Variants in SPG11 observed in about 807,000 individuals in gnomAD.
The protein encoded by SPG11 is spatacsin.
In SPG11, 222 loss-of-function variants were observed where a neutral mutation model predicts 274.0. The ratio of observed to expected loss-of-function variants is 0.81; its 90% CI spans 0.73 to 0.91. SPG11 has a LOEUF of 0.91. Ranked by LOEUF, SPG11 falls within the 40% of genes least tolerant of loss-of-function variation. The probability of loss-of-function intolerance (pLI) is 0.00; values close to 1 mark genes in which losing one functional copy is unlikely to be tolerated. For missense variants in SPG11, 3,114 were observed against 2,872.7 expected, an observed-to-expected ratio of 1.08 and a Z score of -1.92; for synonymous variants, 1,144 against 1,039.7, an observed-to-expected ratio of 1.10 and a Z score of -1.93.
intron 33 of SPG11, among the ~76,000 whole-genome samples, chr15:44,571,503 T>C (rs1014383639): frequency 3.4e-5 from 5 of 148,392 alleles, no homozygotes; most frequent in African/African-American, 7.4e-5. Context: ...TTTCTTTTTT[T>C]TTTTTTTTTT....
At chr15:44,659,427 C>T (rs186135386) in intron 2 of SPG11, 124 bp from the exon 3 acceptor site, 112 of 844,152 alleles carry the variant, frequency 1.3e-4, no homozygotes, top group Middle Eastern at 6.9e-4. Flanking sequence ...TCTAACTTTA[C>T]GCAGTTATCG....
rs1175474550 is a variant in SPG11 at position 44,572,600 on chromosome 15, C to A, written c.6343+83G>T. On this transcript the variant is annotated intron_variant, in intron 33 of 39. Transcript: ENST00000261866. The stretch of plus-strand genomic sequence containing the variant: ...AGGCATCCAGAGCAGGAACAGGGAC[C>A]CAAATCAAGTTTTGGAGAGACTGGG... 6 of 1,469,638 alleles carry A rather than the reference C, an allele frequency of 4.1e-6. No individual in the cohort carries two copies. The East Asian group carries it at 9.1e-5, about 22-fold the overall frequency. 91.0% of individuals were successfully genotyped at this position (1,469,638 alleles called of 1,614,324 possible).
chr15:44,589,807 T>C (rs1555449777), intron 27 of SPG11, among the ~76,000 whole-genome samples: 1 of 152,224 alleles, frequency 6.6e-6, no homozygotes, highest in Non-Finnish European at 1.5e-5. Flanking sequence ...AGCTTCTTTA[T>C]TTTTATTTTA....
intron 8 of SPG11, among the ~76,000 whole-genome samples, chr15:44,632,021 C>G (rs548617272): frequency 8.6e-5 from 13 of 152,038 alleles, no homozygotes; most frequent in African/African-American, 3.1e-4. Context: ...GTTACCCAGG[C>G]TAGTCTCAAA....
At chr15:44,569,285 T>C in intron 35 of SPG11, 113 bp downstream of exon 35, 1 of 811,754 alleles carries the variant, frequency 1.2e-6, no homozygotes, top group Non-Finnish European at 2.1e-6. Context: ...CCCTAATTCC[T>C]TCCCTCCATT....
At chr15:44,631,843 C>G (rs1039291480) in intron 8 of SPG11, among the ~76,000 whole-genome samples, 1 of 137,994 alleles carries the variant, frequency 7.2e-6, no homozygotes, top group African/African-American at 2.7e-5. Context: ...GAGTCTCACT[C>G]TGTTGCCCAG....
rs2084784763 is a variant in SPG11, at chr15:44,651,758, T to A, written c.1189A>T (p.Asn397Tyr). 2 of 1,614,246 alleles carry A rather than the reference T, an allele frequency of 1.2e-6. No individual in the cohort carries two copies. Among genetic ancestry groups the A allele is most frequent in the African/African-American group, 2.7e-5 (2 of 75,066 alleles). The change falls in exon 6 of 40, where the codon AAT becomes TAT. Residue 397 changes from asparagine to tyrosine, a missense_variant. Asn to Tyr is a moderately radical substitution (Grantham distance 143). Coordinates refer to ENST00000261866, the MANE Select transcript of SPG11 (RefSeq NM_025137.4). ...IPQDIMHGQYNVLQKDHAKTS... is the reference protein window; with the variant it reads ...IPQDIMHGQYYVLQKDHAKTS... ...TTGGCATGATCTTTCTGTAGAACAT[T>A]ATATTGCCCATGCATTATGTCCTGT...
Position 44,606,092 on chromosome 15 carries a change from C to A in SPG11, c.3454-1G>T. ...TGCTAGGATCAAAGGGTGATAATGA[C>A]TGAAAAAGGGGAAAAGTTAAACAGA... is the stretch of plus-strand genomic sequence containing the variant. On this transcript the variant is annotated splice_acceptor_variant, in intron 19 of 39. Transcript: ENST00000261866. LOFTEE classifies it high-confidence loss of function. 1 of 1,613,282 alleles carries A rather than the reference C, an allele frequency of 6.2e-7. No individual in the cohort carries two copies. Among genetic ancestry groups the A allele is most frequent in the South Asian group, 1.1e-5 (1 of 91,048 alleles).
At chr15:44,637,797 G>A (rs1301989053) in intron 7 of SPG11, among the ~76,000 whole-genome samples, 5 of 152,072 alleles carry the variant, frequency 3.3e-5, no homozygotes, top group Non-Finnish European at 5.9e-5. Flanking sequence ...ATTTTAGAAT[G>A]TACTCCTTAT....
intron 35 of SPG11, among the ~76,000 whole-genome samples, chr15:44,568,890 G>A (rs977775270): frequency 5.3e-5 from 8 of 152,022 alleles, no homozygotes; most frequent in East Asian, 1.9e-4. Context: ...ATTTAGCATC[G>A]GCTGGGCACG....
chr15:44,598,293 T>A lies in SPG11; in HGVS notation c.3973A>T (p.Asn1325Tyr), dbSNP rs766221532. The change falls in exon 23 of 40, where the codon AAC (asparagine) becomes TAC (tyrosine). Residue 1325 changes from asparagine to tyrosine, a missense_variant. Physicochemically the swap from Asn to Tyr is moderately radical, Grantham distance 143. Coordinates refer to ENST00000261866, the MANE Select transcript of SPG11 (RefSeq NM_025137.4). Reference sequence around the variant, plus strand: ...TTTATTTCCTGTTGCTGAATGCTGTTCCATGTACCTTCTTCTAAGAGAACA... The same window carrying A: ...TTTATTTCCTGTTGCTGAATGCTGTACCATGTACCTTCTTCTAAGAGAACA... ...LLVLLEEGTW[N>Y]SIQQQEIKRL... 6.2e-7 allele frequency: 1 copy of A among 1,613,990 alleles called. No homozygotes were observed. Among genetic ancestry groups the A allele is most frequent in the Middle Eastern group, 1.7e-4 (1 of 6,060 alleles).
At chr15:44,597,802 T>TA (rs1167686716) in intron 23 of SPG11, among the ~76,000 whole-genome samples, 1 of 152,202 alleles carries the variant, frequency 6.6e-6, no homozygotes, top group African/African-American at 2.4e-5. Context: ...TGCTTTTACA[T>TA]ACGGTCACTT....
Position 44,652,265 on chromosome 15 carries a change from G to T in SPG11, c.871C>A (p.Gln291Lys). ...VALNLNLYFR[Q>K]HPGHLLCERI... is the part of the protein sequence containing the mutation. ...TCACACAGTAGGTGTCCTGGGTGTT[G>T]CCTACATTTAAAAATAATGATAGAC... is the stretch of plus-strand genomic sequence containing the variant. The change falls in exon 5 of 40, where the codon CAA (glutamine) becomes AAA (lysine). Residue 291 changes from glutamine to lysine, a missense_variant and splice_region_variant. By Grantham distance (53) the Gln-to-Lys change is moderately conservative. Coordinates refer to ENST00000261866, the MANE Select transcript of SPG11 (RefSeq NM_025137.4). 1 of 1,613,910 alleles carries T rather than the reference G, an allele frequency of 6.2e-7. No individual in the cohort carries two copies. The highest frequency in any genetic ancestry group is 8.5e-7 in the Non-Finnish European group (1 of 1,179,968).
chr15:44,566,159 A>AT lies in SPG11; in HGVS notation c.6843+57dup. On this transcript the variant is annotated intron_variant, in intron 37 of 39. Transcript: ENST00000261866. ...GGAAAGAGCCCAAGGACAAAAGAAA[A>AT]TAATTTTACTGCAGACAGCAAGTCC... The AT allele has an allele frequency of 1.9e-6, 3 of 1,606,580 alleles. No individual in the cohort carries two copies. The Admixed American group carries it at 5.0e-5, about 27-fold the overall frequency.
At chr15:44,646,429 C>G (rs1595920473) in intron 7 of SPG11, among the ~76,000 whole-genome samples, 1 of 152,194 alleles carries the variant, frequency 6.6e-6, no homozygotes, top group East Asian at 1.9e-4. Context: ...AGAGAGAGTA[C>G]AGGGGAAAAC....
At position 44,615,252 on chromosome 15, in the gene SPG11, A is replaced by G. The variant is rs2083562969; in HGVS notation, c.3038+111T>C. The G allele has an allele frequency of 3.9e-6, 4 of 1,028,808 alleles. No individual in the cohort carries two copies. In the African/African-American group the frequency reaches 4.7e-5, roughly 12 times the overall value. The allele number at this position is 1,028,808 out of a possible 1,614,324, so 63.7% of individuals were successfully genotyped here. ...TGGAGAAAACTACCTCAAAAAGATC[A>G]GTATTCCTCGTGTGAATGCTTACTA... On this transcript the variant is annotated intron_variant, in intron 16 of 39. Transcript: ENST00000261866.
At chr15:44,569,945 C>T (rs960461838) in intron 34 of SPG11, among the ~76,000 whole-genome samples, 2 of 152,282 alleles carry the variant, frequency 1.3e-5, no homozygotes, top group Middle Eastern at 6.8e-3. Context: ...TGACCTCAGG[C>T]AATCCGCCTG....
In SPG11 at chr15:44,567,417, C is replaced by T; in HGVS notation, c.6754+7G>A. ...TGTTCTGGTAGTGTGGCTGTGACCT[C>T]ACTCACCCCAGGGCTGAGACTCAAT... On this transcript the variant is annotated splice_region_variant and intron_variant, in intron 36 of 39. Coordinates refer to ENST00000261866, the MANE Select transcript of SPG11 (RefSeq NM_025137.4). 1 of 1,611,770 alleles carries T rather than the reference C, an allele frequency of 6.2e-7. No individual in the cohort carries two copies. The highest frequency in any genetic ancestry group is 8.5e-7 in the Non-Finnish European group (1 of 1,178,544).
intron 33 of SPG11, 145 bp from the exon 34 acceptor site, chr15:44,570,803 C>CTTA: frequency 1.0e-6 from 1 of 1,000,442 alleles, no homozygotes; most frequent in Non-Finnish European, 1.5e-6. Context: ...AGTCCCTGAA[C>CTTA]TTAGCAGCTG....
Sources: gnomAD v4.1 joint callset for allele counts (sites outside exome capture counted in the v4.1 genomes callset) on GRCh38, gnomAD v4.1.1 for gene constraint, MANE v1.5 for transcripts, NCBI Gene and HGNC (gene_info 2026-07-23, HGNC 2026-07-21) for gene names.